The following LRCH1 variants were observed in gnomAD, a reference collection of about 807,000 sequenced individuals.
LRCH1 encodes the protein leucine-rich repeat and calponin homology domain-containing protein 1.
A neutral mutation model predicts 94.9 loss-of-function variants in LRCH1; 23 were observed. The ratio of observed to expected loss-of-function variants is 0.24; its 90% confidence interval spans 0.17 to 0.34. The LOEUF (loss-of-function observed/expected upper bound fraction) is 0.34. Among genes scored for constraint, LRCH1 ranks in the 10% least tolerant of loss-of-function variants. LRCH1 has a pLI of 1.00. For synonymous variants in LRCH1, 364 were observed against 354.9 expected (o/e 1.03, Z -0.29); for missense variants, 790 against 945.9 (o/e 0.84, Z 2.16).
chr13:46,561,079 G>T (rs1261117704), intron 1 of LRCH1, among the ~76,000 whole-genome samples: 1 of 152,102 alleles, frequency 6.6e-6, no homozygotes, highest in African/African-American at 2.4e-5. Context: ...GGCCATAAAG[G>T]AGGATATAGC....
chr13:46,608,934 C>T (rs1453806948), intron 1 of LRCH1, among the ~76,000 whole-genome samples: 8 of 152,182 alleles, frequency 5.3e-5, no homozygotes, highest in African/African-American at 1.9e-4. Flanking sequence ...CTGTTAGGAG[C>T]TTGCTTTTCC....
chr13:46,642,203 A>C (rs1483872365), intron 1 of LRCH1, among the ~76,000 whole-genome samples: 1 of 152,220 alleles, frequency 6.6e-6, no homozygotes, highest in Non-Finnish European at 1.5e-5. Flanking sequence ...GAGCTATAGA[A>C]ACTTTTTAAT....
chr13:46,681,965 T>TGC (rs1566222131), intron 4 of LRCH1, 119 bp downstream of exon 4: 2 of 639,170 alleles, frequency 3.1e-6, no homozygotes, highest in Non-Finnish European at 2.8e-6. Context: ...TGTGTGTGTG[T>TGC]GCCTACTACT....
intron 6 of LRCH1, 142 bp downstream of exon 6, chr13:46,688,121 T>C: frequency 1.3e-6 from 1 of 744,018 alleles, no homozygotes; most frequent in East Asian, 3.0e-5. Flanking sequence ...TTTGGTTTAA[T>C]CACCTAATTT....
At chr13:46,558,344 T>G (rs139744269) in intron 1 of LRCH1, among the ~76,000 whole-genome samples, 93 of 151,706 alleles carry the variant, frequency 6.1e-4, no homozygotes, top group African/African-American at 7.5e-4. Flanking sequence ...ATAGCAGAGG[T>G]AGGATTTGGA....
chr13:46,709,224 ATAT>A (rs1244354442), intron 13 of LRCH1, among the ~76,000 whole-genome samples: 2 of 152,224 alleles, frequency 1.3e-5, no homozygotes, highest in Non-Finnish European at 2.9e-5. Flanking sequence ...TGCTACCATT[ATAT>A]TATGTGGAAA....
intron 1 of LRCH1, among the ~76,000 whole-genome samples, chr13:46,638,539 G>A (rs538659032): frequency 6.6e-6 from 1 of 152,234 alleles, no homozygotes; most frequent in African/African-American, 2.4e-5. Context: ...ACAAGTATTT[G>A]GAAAACCTGA....
chr13:46,621,151 G>A (rs73485955), intron 1 of LRCH1, among the ~76,000 whole-genome samples: 6,781 of 152,220 alleles, frequency 0.045, 504 homozygotes, highest in African/African-American at 0.15. Context: ...CATGCGTTCC[G>A]CTAGTGTCAT....
At chr13:46,674,331 G>T (rs1052119420) in intron 3 of LRCH1, among the ~76,000 whole-genome samples, 4 of 152,158 alleles carry the variant, frequency 2.6e-5, no homozygotes, top group African/African-American at 9.7e-5. Context: ...TTGAGACTGT[G>T]CAGGGAATGT....
At chr13:46,656,376 G>A (rs1349171636) in intron 2 of LRCH1, among the ~76,000 whole-genome samples, 1 of 152,112 alleles carries the variant, frequency 6.6e-6, no homozygotes, top group Non-Finnish European at 1.5e-5. Context: ...TTCCTAAACT[G>A]GAAAGGAGGA....
chr13:46,675,687 G>T (rs2051662756), intron 3 of LRCH1, among the ~76,000 whole-genome samples: 1 of 152,160 alleles, frequency 6.6e-6, no homozygotes, highest in Non-Finnish European at 1.5e-5. Flanking sequence ...AACAGCGGAG[G>T]CATAAATTCA....
intron 18 of LRCH1, among the ~76,000 whole-genome samples, chr13:46,732,347 A>C (rs1873151376): frequency 6.6e-6 from 1 of 152,200 alleles, no homozygotes. Context: ...TTGGCATTTC[A>C]ATTGGTATAA....
rs138114868 is a variant in LRCH1 at position 46,580,373 on chromosome 13, G to C, written c.307+26670G>C. Among the ~76,000 whole-genome samples the C allele has an allele frequency of 2.6e-5, 4 of 152,244 alleles. No individual in the cohort carries two copies. The East Asian group carries it at 7.7e-4, about 29-fold the overall frequency. ...GCTAGAATCCTATGTGTGATAATGA[G>C]GGAATGAAATTATCCAAAGGGTAAT... On this transcript the variant is annotated intron_variant, in intron 1 of 19. Transcript: ENST00000389797.
At chr13:46,716,380 C>T (rs1018337630) in intron 16 of LRCH1, among the ~76,000 whole-genome samples, 1 of 152,172 alleles carries the variant, frequency 6.6e-6, no homozygotes, top group Non-Finnish European at 1.5e-5. Context: ...GATCTGCACA[C>T]CACCTATATC....
rs1390191540 is a variant in LRCH1, at chr13:46,582,662, T to A, written c.307+28959T>A. 1.2e-3 allele frequency among the ~76,000 whole-genome samples: 133 copies of A among 108,612 alleles called. 5 individuals carry two copies. The highest frequency in any genetic ancestry group is 4.2e-3 in the African/African-American group (125 of 29,534). The allele number at this position is 108,612 out of a possible 152,430, so 71.3% of individuals were successfully genotyped here. A position where few individuals can be genotyped will look rare whatever the true frequency, so the allele number is the denominator to read the frequency against. On this transcript the variant is annotated intron_variant, in intron 1 of 19. Coordinates refer to ENST00000389797, the MANE Select transcript of LRCH1 (RefSeq NM_001164211.2). Reference sequence around the variant, plus strand: ...ACCATGCCCAGCTTTTTTTTTTTTTTTTTTTTTTTTGTATTTTTAGTAGAG... The same window carrying A: ...ACCATGCCCAGCTTTTTTTTTTTTTATTTTTTTTTTGTATTTTTAGTAGAG...
chr13:46,694,102 ATAT>A (rs1871052568), intron 8 of LRCH1, among the ~76,000 whole-genome samples: 1 of 152,224 alleles, frequency 6.6e-6, no homozygotes, highest in South Asian at 2.1e-4. Flanking sequence ...AAAGTTAGTA[ATAT>A]TATACACTGT....
At chr13:46,702,634 C>T (rs1050153654) in intron 11 of LRCH1, among the ~76,000 whole-genome samples, 1 of 152,056 alleles carries the variant, frequency 6.6e-6, no homozygotes, top group Non-Finnish European at 1.5e-5. Flanking sequence ...GACTGGTCTT[C>T]CTGAAGGATA....
chr13:46,614,759 T>C (rs2050786479), intron 1 of LRCH1, among the ~76,000 whole-genome samples: 1 of 152,218 alleles, frequency 6.6e-6, no homozygotes, highest in Non-Finnish European at 1.5e-5. Context: ...AAAGGTATTA[T>C]GACATTCGAG....
intron 8 of LRCH1, 68 bp downstream of exon 8, chr13:46,692,709 G>A (rs1870966720): frequency 1.7e-6 from 2 of 1,162,532 alleles, no homozygotes; most frequent in Admixed American, 3.6e-5. Context: ...AAAATAACCT[G>A]TGCACAGATA....
Sources: gnomAD v4.1 joint callset for allele counts (sites outside exome capture counted in the v4.1 genomes callset) on GRCh38, gnomAD v4.1.1 for gene constraint, MANE v1.5 for transcripts, NCBI Gene and HGNC (gene_info 2026-07-23, HGNC 2026-07-21) for gene names.